Variants in USP10 observed in about 807,000 individuals in gnomAD.
The protein encoded by USP10 is ubiquitin specific peptidase 10.
USP10 carries 22 observed loss-of-function variants against 84.5 expected under a neutral mutation model. That is an observed-to-expected ratio of 0.26 (90% confidence interval 0.19 to 0.37). The LOEUF (loss-of-function observed/expected upper bound fraction) is 0.37, where lower values mean the gene tolerates loss of function less well. Ranked by LOEUF, USP10 falls within the 10% of genes least tolerant of loss-of-function variation. The pLI, the probability that USP10 is intolerant of heterozygous loss-of-function variation, is 1.00. For missense variants in USP10, 1,019 were observed against 998.9 expected, an observed-to-expected ratio of 1.02 and a Z score of -0.27; for synonymous variants, 454 against 387.6, an observed-to-expected ratio of 1.17 and a Z score of -2.01.
At chr16:84,772,773 A>C (rs1914593629) in intron 12 of USP10, 88 bp downstream of exon 12, 32 of 1,505,972 alleles carry the variant, frequency 2.1e-5, no homozygotes, top group Middle Eastern at 3.5e-4. Flanking sequence ...TTATGATGTC[A>C]AGAGTGAGGA....
At chr16:84,707,586 A>G (rs888474933) in intron 1 of USP10, among the ~76,000 whole-genome samples, 2 of 152,072 alleles carry the variant, frequency 1.3e-5, no homozygotes, top group African/African-American at 2.4e-5. Context: ...ACTGAACTTT[A>G]TTGAGCAAAC....
At chr16:84,760,362 C>A in intron 8 of USP10, 87 bp downstream of exon 8, 2 of 1,189,266 alleles carry the variant, frequency 1.7e-6, no homozygotes, top group Non-Finnish European at 2.4e-6. Flanking sequence ...TGATATTTGC[C>A]CTCTGTCTCC....
intron 1 of USP10, among the ~76,000 whole-genome samples, chr16:84,726,846 G>A (rs1166091290): frequency 6.6e-6 from 1 of 152,168 alleles, no homozygotes; most frequent in African/African-American, 2.4e-5. Flanking sequence ...GTGCCGTCCC[G>A]CCCCTGGGCA....
intron 13 of USP10, among the ~76,000 whole-genome samples, chr16:84,776,675 G>C (rs1009173457): frequency 3.3e-5 from 5 of 152,128 alleles, no homozygotes; most frequent in Non-Finnish European, 5.9e-5. Flanking sequence ...CACTGGGCAG[G>C]GGCAGGGGCT....
At chr16:84,738,077 G>C (rs569660982) in intron 2 of USP10, among the ~76,000 whole-genome samples, 1 of 133,796 alleles carries the variant, frequency 7.5e-6, no homozygotes, top group East Asian at 2.4e-4. Context: ...TGGTGAGCAG[G>C]GTTCTAACAG....
intron 1 of USP10, chr16:84,708,880 G>A (rs573158942): frequency 1.3e-5 from 2 of 152,338 alleles, no homozygotes; most frequent in South Asian, 2.1e-4. Flanking sequence ...AGATTTTGGT[G>A]GCCGGACGTT....
intron 3 of USP10, among the ~76,000 whole-genome samples, chr16:84,743,909 G>T (rs1163042586): frequency 6.6e-6 from 1 of 152,184 alleles, no homozygotes; most frequent in Admixed American, 6.5e-5. Context: ...AATCCAGTGT[G>T]AATTTATTTA....
Position 84,704,827 on chromosome 16 carries a change from C to T in USP10, c.21+4716C>T, listed in dbSNP as rs140249945. The T allele has an allele frequency of 5.9e-3, 9,115 of 1,535,742 alleles. 28 individuals are homozygous for T. The highest frequency in any genetic ancestry group is 0.012 in the Middle Eastern group (74 of 5,990). ...GCCATTCTGTCCCGTCTTGAAACATCATGCCCTGGTTGCCCTCTCCTGGAA... is the reference window on the plus strand; with the variant it reads ...GCCATTCTGTCCCGTCTTGAAACATTATGCCCTGGTTGCCCTCTCCTGGAA... On this transcript the variant is annotated intron_variant, in intron 1 of 13. Coordinates refer to ENST00000219473, the MANE Select transcript of USP10 (RefSeq NM_005153.3).
At chr16:84,774,012 G>C (rs956852956) in intron 12 of USP10, among the ~76,000 whole-genome samples, 3 of 152,148 alleles carry the variant, frequency 2.0e-5, no homozygotes, top group African/African-American at 4.8e-5. Flanking sequence ...CACTTTGGGA[G>C]GCCGAGGCAG....
At chr16:84,722,016 G>A (rs568595885) in intron 1 of USP10, among the ~76,000 whole-genome samples, 10 of 152,276 alleles carry the variant, frequency 6.6e-5, no homozygotes, top group African/African-American at 2.4e-4. Context: ...TTTGACAGAT[G>A]TATACACCAA....
At chr16:84,714,189 AG>A (rs1360111408) in intron 1 of USP10, among the ~76,000 whole-genome samples, 1 of 149,942 alleles carries the variant, frequency 6.7e-6, no homozygotes, top group Admixed American at 6.6e-5. Flanking sequence ...TGCCTAGAGG[AG>A]GGGCAGGCCT....
intron 11 of USP10, among the ~76,000 whole-genome samples, chr16:84,772,295 C>A (rs1380203186): frequency 6.6e-6 from 1 of 152,160 alleles, no homozygotes; most frequent in African/African-American, 2.4e-5. Flanking sequence ...AGGTGATCCG[C>A]CTGTCTCAGC....
intron 1 of USP10, among the ~76,000 whole-genome samples, chr16:84,710,890 G>C (rs1252597988): frequency 1.3e-5 from 2 of 152,060 alleles, no homozygotes; most frequent in Non-Finnish European, 2.9e-5. Context: ...AGCTTTTTTT[G>C]TTTTAACTTG....
intron 1 of USP10, among the ~76,000 whole-genome samples, chr16:84,723,531 A>C (rs1437917794): frequency 1.3e-5 from 2 of 152,178 alleles, no homozygotes; most frequent in Non-Finnish European, 2.9e-5. Flanking sequence ...AATGATTGCT[A>C]TGTAGTTTGG....
At chr16:84,763,329 G>GA (rs1913429222) in intron 9 of USP10, among the ~76,000 whole-genome samples, 1 of 152,094 alleles carries the variant, frequency 6.6e-6, no homozygotes, top group African/African-American at 2.4e-5. Flanking sequence ...TAAAAAAGCT[G>GA]AAAGAATCGT....
At chr16:84,772,723 A>G (rs761586499) in intron 12 of USP10, 38 bp downstream of exon 12, 2 of 1,608,330 alleles carry the variant, frequency 1.2e-6, no homozygotes, top group Non-Finnish European at 8.5e-7. Flanking sequence ...TCGTGGTGAC[A>G]CACTCCTGCA....
At chr16:84,720,924 C>T (rs1476714003) in intron 1 of USP10, among the ~76,000 whole-genome samples, 1 of 142,122 alleles carries the variant, frequency 7.0e-6, no homozygotes, top group African/African-American at 2.7e-5. Context: ...GAAGGAGTCT[C>T]GCTCTTTTGC....
intron 3 of USP10, among the ~76,000 whole-genome samples, chr16:84,741,902 G>A (rs192797824): frequency 2.8e-4 from 43 of 152,212 alleles, no homozygotes; most frequent in African/African-American, 9.4e-4. Flanking sequence ...CTGTCACTGC[G>A]CCTGTAGTAT....
chr16:84,755,390 C>G (rs1407518792), intron 4 of USP10, among the ~76,000 whole-genome samples: 5 of 151,878 alleles, frequency 3.3e-5, no homozygotes. Flanking sequence ...GATCCTGTCT[C>G]CTTCCTCAGC....
Sources: gnomAD v4.1 joint callset for allele counts (sites outside exome capture counted in the v4.1 genomes callset) on GRCh38, gnomAD v4.1.1 for gene constraint, MANE v1.5 for transcripts, NCBI Gene and HGNC (gene_info 2026-07-23, HGNC 2026-07-21) for gene names.